SPTLC3: variants seen among roughly 807,000 people sequenced by gnomAD.
The protein encoded by SPTLC3 is serine palmitoyltransferase long chain base subunit 3.
SPTLC3 carries 36 observed loss-of-function variants against 59.3 expected under a neutral mutation model. That is an observed-to-expected ratio of 0.61 (90% CI 0.47 to 0.80). The LOEUF (loss-of-function observed/expected upper bound fraction) is 0.80, where lower values mean the gene tolerates loss of function less well. Ranked by LOEUF, SPTLC3 falls within the 30% of genes least tolerant of loss-of-function variation. The pLI is 0.00. For missense variants in SPTLC3, 625 were observed against 685.1 expected, an observed-to-expected ratio of 0.91 and a Z score of 0.98; for synonymous variants, 257 against 240.8, an observed-to-expected ratio of 1.07 and a Z score of -0.62.
intron 5 of SPTLC3, 53 bp from the exon 6 acceptor site, chr20:13,093,431 T>C: frequency 6.4e-7 from 1 of 1,554,662 alleles, no homozygotes. Context: ...ACAAGTTGTT[T>C]TTCCTTGGTT....
rs57913044 is a variant in SPTLC3, at chr20:13,027,641, G to GCACACA, written c.117+18291_117+18296dup. On this transcript the variant is annotated intron_variant, in intron 1 of 11. Transcript: ENST00000399002. Reference sequence around the variant, plus strand: ...GTTCTTCAGTAATCTATTTCAGCACGCACACACACACACACACACACACAC... The same window carrying GCACACA: ...GTTCTTCAGTAATCTATTTCAGCACGCACACACACACACACACACACACACACACAC... Among the ~76,000 whole-genome samples, 36 of 144,258 alleles carry GCACACA rather than the reference G, an allele frequency of 2.5e-4. No individual in the cohort carries two copies. The South Asian group carries it at 3.0e-3, about 12-fold the overall frequency. The allele number at this position is 144,258 out of a possible 152,430, so 94.6% of individuals were successfully genotyped here. A position where few individuals can be genotyped will look rare whatever the true frequency, so the allele number is the denominator to read the frequency against.
chr20:13,046,201 T>C (rs1203498780), intron 1 of SPTLC3, among the ~76,000 whole-genome samples: 1 of 152,180 alleles, frequency 6.6e-6, no homozygotes, highest in Non-Finnish European at 1.5e-5. Context: ...TCCCTCTTTA[T>C]GATTTGTACC....
At chr20:13,114,031 G>A (rs1990395673) in intron 7 of SPTLC3, among the ~76,000 whole-genome samples, 1 of 152,218 alleles carries the variant, frequency 6.6e-6, no homozygotes, top group Non-Finnish European at 1.5e-5. Context: ...TAACCGAGAT[G>A]AGGCAGAGCG....
chr20:13,137,933 G>A (rs1054442717), intron 9 of SPTLC3, among the ~76,000 whole-genome samples: 6 of 152,104 alleles, frequency 3.9e-5, no homozygotes, highest in African/African-American at 1.4e-4. Context: ...TCATCTCCCA[G>A]AACAGGTGCA....
intron 8 of SPTLC3, among the ~76,000 whole-genome samples, chr20:13,123,262 C>T (rs6109719): frequency 0.14 from 20,917 of 151,348 alleles, 2,628 homozygotes; most frequent in African/African-American, 0.34. Context: ...GCCCAGGAGA[C>T]GAAGGTTGCA....
At position 13,076,459 on chromosome 20, in the gene SPTLC3, G is replaced by A. The variant is rs138739077; in HGVS notation, c.607+1962G>A. On this transcript the variant is annotated intron_variant, in intron 4 of 11. Coordinates refer to ENST00000399002, the MANE Select transcript of SPTLC3 (RefSeq NM_018327.4). ...CCTTCTTGAGAACCTACAAGTTCAT[G>A]AATATTTAATCACTAAAAAATAACT... Among the ~76,000 whole-genome samples, 130 of 152,198 alleles carry A rather than the reference G, an allele frequency of 8.5e-4. 2 individuals carry two copies. In the East Asian group the frequency reaches 0.023, roughly 27 times the overall value.
intron 1 of SPTLC3, among the ~76,000 whole-genome samples, chr20:13,022,974 C>T (rs940842197): frequency 6.6e-6 from 1 of 152,152 alleles, no homozygotes; most frequent in Non-Finnish European, 1.5e-5. Context: ...CCTGAGCTCA[C>T]TCTAACCCCA....
At chr20:13,133,960 G>C (rs2038185025) in intron 9 of SPTLC3, among the ~76,000 whole-genome samples, 1 of 152,160 alleles carries the variant, frequency 6.6e-6, no homozygotes, top group Non-Finnish European at 1.5e-5. Context: ...CATCCCACTG[G>C]ACAAGCTGGG....
intron 6 of SPTLC3, among the ~76,000 whole-genome samples, chr20:13,100,103 A>G (rs1036420808): frequency 6.6e-6 from 1 of 152,194 alleles, no homozygotes; most frequent in Non-Finnish European, 1.5e-5. Context: ...ATGGAAGTGG[A>G]CATCCTTTGT....
intron 7 of SPTLC3, among the ~76,000 whole-genome samples, chr20:13,112,120 T>C (rs931389411): frequency 7.2e-5 from 11 of 152,316 alleles, no homozygotes; most frequent in Admixed American, 2.6e-4. Context: ...CAATGATTTA[T>C]TATTTCCCAC....
At chr20:13,126,844 TA>T (rs2038005694) in intron 9 of SPTLC3, 127 bp downstream of exon 9, 1 of 1,324,236 alleles carries the variant, frequency 7.6e-7, no homozygotes, top group Non-Finnish European at 1.0e-6. Flanking sequence ...AGCCATGTGA[TA>T]AATGCACAAA....
At chr20:13,160,157 A>G (rs1236391289) in intron 11 of SPTLC3, 25 bp downstream of exon 11, 1 of 1,606,242 alleles carries the variant, frequency 6.2e-7, no homozygotes, top group African/African-American at 1.3e-5. Context: ...GGCCAACGGG[A>G]TCTCAGTACC....
intron 9 of SPTLC3, among the ~76,000 whole-genome samples, chr20:13,153,562 CA>C (rs996191822): frequency 6.6e-6 from 1 of 151,856 alleles, no homozygotes; most frequent in Non-Finnish European, 1.5e-5. Context: ...AAATGAGGGA[CA>C]ATTTAATGAG....
At position 13,029,435 on chromosome 20, in the gene SPTLC3, A is replaced by G. The variant is rs188714075; in HGVS notation, c.118-19510A>G. On this transcript the variant is annotated intron_variant, in intron 1 of 11. Transcript: ENST00000399002. ...TATGATGGCTAAAACATGCCTGGTT[A>G]TACAAAGCTGGTTGATTCAGGAGTA... Among the ~76,000 whole-genome samples the G allele has an allele frequency of 2.9e-3, 436 of 152,288 alleles. 4 individuals carry two copies. Among genetic ancestry groups the G allele is most frequent in the African/African-American group, 0.01 (422 of 41,562 alleles).
Position 13,045,306 on chromosome 20 carries a change from G to T in SPTLC3, c.118-3639G>T, listed in dbSNP as rs74680020. ...AGGGTCTGTTTATTTTTAAGGCTGC[G>T]AAAGAAAAGGTAGAACAAGCCAAAG... is the stretch of plus-strand genomic sequence containing the variant. On this transcript the variant is annotated intron_variant, in intron 1 of 11. Transcript: ENST00000399002. Among the ~76,000 whole-genome samples, 1,322 of 152,196 alleles carry T rather than the reference G, an allele frequency of 8.7e-3. 20 individuals carry two copies. Among genetic ancestry groups the T allele is most frequent in the African/African-American group, 0.03 (1,254 of 41,522 alleles).
intron 1 of SPTLC3, among the ~76,000 whole-genome samples, chr20:13,012,309 T>G (rs17190782): frequency 0.2 from 30,298 of 152,208 alleles, 3,627 homozygotes; most frequent in South Asian, 0.38. Flanking sequence ...CAAGGTTTAT[T>G]GAGTTCTTGA....
At chr20:13,053,587 T>C (rs4813113) in intron 2 of SPTLC3, among the ~76,000 whole-genome samples, 132,539 of 151,974 alleles carry the variant, frequency 0.87, 57,856 homozygotes, top group East Asian at 0.92. Context: ...AATAACAAAC[T>C]CCTCCAAGCT....
At chr20:13,083,676 C>T (rs1362847370) in intron 4 of SPTLC3, among the ~76,000 whole-genome samples, 1 of 152,174 alleles carries the variant, frequency 6.6e-6, no homozygotes, top group Non-Finnish European at 1.5e-5. Context: ...AAGAATTATT[C>T]AAGTTCCTTT....
chr20:13,051,302 C>T (rs1987479838), intron 2 of SPTLC3, among the ~76,000 whole-genome samples: 1 of 152,188 alleles, frequency 6.6e-6, no homozygotes, highest in Admixed American at 6.5e-5. Flanking sequence ...ATTCTAATAT[C>T]AGACAACTGT....
Sources: allele counts gnomAD v4.1 joint callset (sites outside exome capture counted in the v4.1 genomes callset), GRCh38; gene constraint gnomAD v4.1.1; transcripts MANE v1.5; gene names NCBI Gene and HGNC (gene_info 2026-07-23, HGNC 2026-07-21).